SLIT2: variants seen among roughly 807,000 people sequenced by gnomAD.
SLIT2 encodes the protein slit homolog 2 protein.
Under a neutral mutation model 185.7 loss-of-function variants are expected in SLIT2, and 41 were observed. That is an observed-to-expected ratio of 0.22 (90% CI 0.17 to 0.29). The LOEUF is 0.29. SLIT2 is among the 10% of genes least tolerant of loss of function. The pLI is 1.00. For missense variants in SLIT2, 1,571 were observed against 1,909.0 expected (o/e 0.82, Z 3.30); for synonymous variants, 693 against 680.2 (o/e 1.02, Z -0.29).
chr4:20,597,058 T>C (rs1728039464), intron 32 of SLIT2, among the ~76,000 whole-genome samples: 1 of 150,450 alleles, frequency 6.6e-6, no homozygotes, highest in African/African-American at 2.5e-5. Context: ...ACCTTTTTTT[T>C]TGTTTTGTTG....
At chr4:20,470,686 C>T (rs867395402) in intron 5 of SLIT2, among the ~76,000 whole-genome samples, 1 of 152,086 alleles carries the variant, frequency 6.6e-6, no homozygotes, top group African/African-American at 2.4e-5. Context: ...AGCAATTCTC[C>T]CACCTCAGCC....
At position 20,472,555 on chromosome 4, in the gene SLIT2, G is replaced by T. The variant is rs1303465803; in HGVS notation, c.467+4732G>T. Among the ~76,000 whole-genome samples the T allele has an allele frequency of 1.8e-3, 11 of 6,022 alleles. 1 individual carries two copies. Among genetic ancestry groups the T allele is most frequent in the South Asian group, 0.012 (2 of 166 alleles). 4.0% of individuals were successfully genotyped at this position (6,022 alleles called of 152,430 possible). ...ATAGATATATCTATATCTATATATA[G>T]ATATATATCTATATATAGATATATC... On this transcript the variant is annotated intron_variant, in intron 5 of 36. Coordinates refer to ENST00000504154, the MANE Select transcript of SLIT2 (RefSeq NM_004787.4).
At chr4:20,510,216 A>T (rs1450538538) in intron 9 of SLIT2, among the ~76,000 whole-genome samples, 2 of 152,140 alleles carry the variant, frequency 1.3e-5, no homozygotes, top group East Asian at 3.9e-4. Context: ...TCTTAAAGGT[A>T]TTATTTCTTT....
At chr4:20,334,994 C>T (rs527309792) in intron 4 of SLIT2, among the ~76,000 whole-genome samples, 4 of 152,158 alleles carry the variant, frequency 2.6e-5, no homozygotes, top group African/African-American at 9.7e-5. Flanking sequence ...GCAGTGTCAT[C>T]ACCAGTTAAA....
chr4:20,367,344 A>G (rs969304225), intron 4 of SLIT2, among the ~76,000 whole-genome samples: 1 of 152,116 alleles, frequency 6.6e-6, no homozygotes, highest in African/African-American at 2.4e-5. Context: ...AAACTAACAA[A>G]TGGGATACAT....
At chr4:20,472,511 G>T (rs796754087) in intron 5 of SLIT2, among the ~76,000 whole-genome samples, 1,901 of 6,562 alleles carry the variant, frequency 0.29, 694 homozygotes, top group East Asian at 0.45. Flanking sequence ...TCTATATATA[G>T]ATAGATATAT....
chr4:20,377,776 G>A (rs527920703), intron 4 of SLIT2, among the ~76,000 whole-genome samples: 7 of 152,136 alleles, frequency 4.6e-5, no homozygotes, highest in Non-Finnish European at 8.8e-5. Context: ...GAGGTAGTTG[G>A]TTTCTCAGAC....
intron 8 of SLIT2, among the ~76,000 whole-genome samples, chr4:20,490,107 A>AAAT: frequency 6.6e-6 from 1 of 151,508 alleles, no homozygotes; most frequent in South Asian, 2.1e-4. Flanking sequence ...ATAAATCAAT[A>AAAT]AAATAAATAA....
At chr4:20,318,820 G>A (rs547107755) in intron 4 of SLIT2, among the ~76,000 whole-genome samples, 29 of 152,234 alleles carry the variant, frequency 1.9e-4, no homozygotes, top group Admixed American at 1.4e-3. Flanking sequence ...ACTTATTTCC[G>A]AACTAACTTT....
chr4:20,383,154 C>T (rs2109346885), intron 4 of SLIT2, among the ~76,000 whole-genome samples: 1 of 152,198 alleles, frequency 6.6e-6, no homozygotes, highest in East Asian at 1.9e-4. Flanking sequence ...TAGCTAAAAC[C>T]TTGCAACTTC....
At chr4:20,272,582 A>G (rs1355467234) in intron 4 of SLIT2, among the ~76,000 whole-genome samples, 2 of 152,140 alleles carry the variant, frequency 1.3e-5, no homozygotes, top group African/African-American at 4.8e-5. Context: ...TGGACTCATT[A>G]AAGAGGAATT....
intron 33 of SLIT2, among the ~76,000 whole-genome samples, chr4:20,607,833 A>G (rs1728906010): frequency 6.6e-6 from 1 of 152,144 alleles, no homozygotes; most frequent in Non-Finnish European, 1.5e-5. Context: ...TGTTGATAGG[A>G]CATCCATATA....
intron 4 of SLIT2, among the ~76,000 whole-genome samples, chr4:20,288,736 A>G (rs1234235807): frequency 6.6e-6 from 1 of 152,220 alleles, no homozygotes; most frequent in Non-Finnish European, 1.5e-5. Context: ...GTTCAGAGGT[A>G]GGTCAAGCCA....
chr4:20,526,614 C>A (rs1721318354), intron 15 of SLIT2, among the ~76,000 whole-genome samples: 1 of 151,996 alleles, frequency 6.6e-6, no homozygotes, highest in Admixed American at 6.6e-5. Context: ...AAATAAAGAA[C>A]AAAAGTCAGG....
chr4:20,608,609 T>C (rs1179016795), intron 33 of SLIT2, among the ~76,000 whole-genome samples: 2 of 152,174 alleles, frequency 1.3e-5, no homozygotes, highest in African/African-American at 4.8e-5. Context: ...TCTAACCACC[T>C]AAACAGAAAG....
intron 4 of SLIT2, among the ~76,000 whole-genome samples, chr4:20,286,872 A>C (rs531944368): frequency 6.6e-6 from 1 of 152,324 alleles, no homozygotes; most frequent in South Asian, 2.1e-4. Context: ...ACAGCAGTTT[A>C]GATTTAATAA....
chr4:20,566,523 C>G (rs1184631198), intron 26 of SLIT2, among the ~76,000 whole-genome samples: 1 of 152,016 alleles, frequency 6.6e-6, no homozygotes, highest in Admixed American at 6.6e-5. Flanking sequence ...CGAGACCTTA[C>G]AGCTCTTGAA....
intron 4 of SLIT2, among the ~76,000 whole-genome samples, chr4:20,299,199 C>T (rs1212991410): frequency 2.6e-5 from 4 of 151,982 alleles, no homozygotes; most frequent in African/African-American, 9.7e-5. Flanking sequence ...GACAATCCAC[C>T]CAGTGGGTGA....
chr4:20,494,164 G>C (rs1319039046), intron 9 of SLIT2, among the ~76,000 whole-genome samples: 2 of 152,212 alleles, frequency 1.3e-5, no homozygotes, highest in African/African-American at 4.8e-5. Flanking sequence ...AAGGCAGAAG[G>C]CCTCTTCGGA....
Sources: allele counts gnomAD v4.1 joint callset (sites outside exome capture counted in the v4.1 genomes callset), GRCh38; gene constraint gnomAD v4.1.1; transcripts MANE v1.5; gene names NCBI Gene and HGNC (gene_info 2026-07-23, HGNC 2026-07-21).